Variants in EFCAB6 observed in about 807,000 individuals in gnomAD.
The protein encoded by EFCAB6 is EF-hand calcium binding domain 6, also known as EF-hand calcium-binding domain-containing protein 6.
A neutral mutation model predicts 169.8 loss-of-function variants in EFCAB6; 156 were observed. The observed-to-expected ratio is 0.92, with a 90% CI of 0.81 to 1.05. The LOEUF (loss-of-function observed/expected upper bound fraction) is 1.05, where lower values mean the gene tolerates loss of function less well. Ranked by LOEUF, EFCAB6 falls within the 50% of genes least tolerant of loss-of-function variation. The pLI is 0.00. For synonymous variants in EFCAB6, 698 were observed against 676.4 expected (o/e 1.03, Z -0.50); for missense variants, 1,800 against 1,829.1 (o/e 0.98, Z 0.29).
chr22:43,765,809 G>GA (rs1040406889), intron 4 of EFCAB6, among the ~76,000 whole-genome samples: 9 of 152,004 alleles, frequency 5.9e-5, no homozygotes, highest in African/African-American at 2.2e-4. Flanking sequence ...TTTTAAGGTA[G>GA]AAAAAAATCC....
chr22:43,702,305 G>A (rs1429593146), intron 10 of EFCAB6, among the ~76,000 whole-genome samples: 5 of 152,080 alleles, frequency 3.3e-5, no homozygotes, highest in South Asian at 2.1e-4. Flanking sequence ...CAGAATTGTC[G>A]GTCGCAGGCT....
chr22:43,748,567 A>G (rs1268126321), intron 6 of EFCAB6, among the ~76,000 whole-genome samples: 2 of 152,178 alleles, frequency 1.3e-5, no homozygotes, highest in African/African-American at 4.8e-5. Context: ...GTTCCTGGCT[A>G]TTCCAAGGAA....
chr22:43,765,401 C>A lies in EFCAB6; in HGVS notation c.352-8G>T. On this transcript the variant is annotated splice_region_variant and splice_polypyrimidine_tract_variant and intron_variant, in intron 4 of 31. Transcript: ENST00000262726. The stretch of plus-strand genomic sequence containing the variant: ...AGAGGTGCTAAGGGGGATCTACAGT[C>A]AAGGGAGAAGAATGACAACATGTTA... 1.9e-6 allele frequency: 3 copies of A among 1,604,742 alleles called. No homozygotes were observed. In the South Asian group the frequency reaches 3.3e-5, roughly 18 times the overall value.
chr22:43,579,670 G>C (rs1310091367), intron 25 of EFCAB6, among the ~76,000 whole-genome samples: 4 of 148,114 alleles, frequency 2.7e-5, no homozygotes, highest in Admixed American at 2.7e-4. Context: ...GTACACGTAG[G>C]CATCATTGCT....
At chr22:43,749,989 C>T (rs1274642798) in intron 6 of EFCAB6, among the ~76,000 whole-genome samples, 5 of 152,220 alleles carry the variant, frequency 3.3e-5, no homozygotes, top group Admixed American at 2.0e-4. Context: ...TCAGAGAGTC[C>T]GTGTTGGTGT....
chr22:43,799,096 G>C (rs1020563834), intron 2 of EFCAB6, among the ~76,000 whole-genome samples: 1 of 152,066 alleles, frequency 6.6e-6, no homozygotes, highest in African/African-American at 2.4e-5. Flanking sequence ...GCCAAGGCTG[G>C]AGGATCGATT....
At chr22:43,763,321 G>A (rs1489323940) in intron 5 of EFCAB6, among the ~76,000 whole-genome samples, 2 of 152,064 alleles carry the variant, frequency 1.3e-5, no homozygotes, top group Non-Finnish European at 2.9e-5. Flanking sequence ...TTACAGGCAC[G>A]AGCCACCATG....
intron 4 of EFCAB6, 149 bp downstream of exon 4, chr22:43,772,743 T>C: frequency 1.4e-6 from 1 of 727,756 alleles, no homozygotes; most frequent in East Asian, 2.7e-5. Flanking sequence ...ATCATCTACA[T>C]CAGCCTTAAT....
At chr22:43,749,430 T>C (rs1419060877) in intron 6 of EFCAB6, among the ~76,000 whole-genome samples, 1 of 152,072 alleles carries the variant, frequency 6.6e-6, no homozygotes, top group Non-Finnish European at 1.5e-5. Context: ...ACCAGTTTTG[T>C]GGAAGACAAT....
At chr22:43,792,688 C>G (rs2062346662) in intron 2 of EFCAB6, among the ~76,000 whole-genome samples, 1 of 152,170 alleles carries the variant, frequency 6.6e-6, no homozygotes, top group African/African-American at 2.4e-5. Context: ...ATGTTCAGAG[C>G]AGGCCAGTGA....
chr22:43,747,721 G>A (rs377574788), intron 6 of EFCAB6, among the ~76,000 whole-genome samples: 5 of 152,234 alleles, frequency 3.3e-5, no homozygotes, highest in East Asian at 3.9e-4. Flanking sequence ...TAGACTTAAT[G>A]AGCCCCTGCT....
intron 20 of EFCAB6, among the ~76,000 whole-genome samples, chr22:43,625,437 C>T (rs1263480526): frequency 3.3e-5 from 5 of 152,220 alleles, no homozygotes; most frequent in Non-Finnish European, 5.9e-5. Context: ...CTTGCTACTT[C>T]ATTCATGTCG....
chr22:43,793,739 G>C (rs1315942307), intron 2 of EFCAB6, among the ~76,000 whole-genome samples: 1 of 146,014 alleles, frequency 6.8e-6, no homozygotes, highest in African/African-American at 2.5e-5. Context: ...TAGAGTGGGT[G>C]AGAGTGTGAA....
chr22:43,732,947 A>T (rs2060007039), intron 7 of EFCAB6, among the ~76,000 whole-genome samples: 1 of 152,178 alleles, frequency 6.6e-6, no homozygotes, highest in Non-Finnish European at 1.5e-5. Flanking sequence ...GTTGATTTCT[A>T]TAATTATCTA....
Position 43,662,477 on chromosome 22 carries a change from T to C in EFCAB6, c.1983+4627A>G, listed in dbSNP as rs146118448. ...CATCTAAGTGCAGCCTCTGTTTAAA[T>C]GATGAACAACAGCATGCATGCTCAG... On this transcript the variant is annotated intron_variant, in intron 17 of 31. Coordinates refer to ENST00000262726, the MANE Select transcript of EFCAB6 (RefSeq NM_022785.4). Among the ~76,000 whole-genome samples the C allele has an allele frequency of 4.1e-3, 629 of 152,242 alleles. 2 individuals are homozygous for C. The highest frequency in any genetic ancestry group is 0.014 in the African/African-American group (595 of 41,544).
intron 27 of EFCAB6, 73 bp from the exon 28 acceptor site, chr22:43,540,430 A>C: frequency 1.9e-6 from 3 of 1,603,326 alleles, no homozygotes; most frequent in Non-Finnish European, 2.5e-6. Context: ...TGCCAGCGAG[A>C]AGTGGGACAG....
intron 8 of EFCAB6, among the ~76,000 whole-genome samples, chr22:43,723,419 T>A (rs1008190372): frequency 1.3e-5 from 2 of 152,178 alleles, no homozygotes; most frequent in Admixed American, 6.5e-5. Context: ...CCTGCACATG[T>A]ACCCCTGTAT....
intron 5 of EFCAB6, among the ~76,000 whole-genome samples, chr22:43,763,102 G>A (rs2061218907): frequency 6.6e-6 from 1 of 151,974 alleles, no homozygotes; most frequent in East Asian, 1.9e-4. Flanking sequence ...GCAGTGGTGC[G>A]ATCTGGGCTC....
At chr22:43,699,876 C>T (rs1365757960) in intron 10 of EFCAB6, among the ~76,000 whole-genome samples, 3 of 152,152 alleles carry the variant, frequency 2.0e-5, no homozygotes, top group Non-Finnish European at 4.4e-5. Flanking sequence ...TTGTTACCAG[C>T]GTGAATGGGA....
Sources: gnomAD v4.1 joint callset for allele counts (sites outside exome capture counted in the v4.1 genomes callset) on GRCh38, gnomAD v4.1.1 for gene constraint, MANE v1.5 for transcripts, NCBI Gene and HGNC (gene_info 2026-07-23, HGNC 2026-07-21) for gene names.